BANK1: variants seen among roughly 807,000 people sequenced by gnomAD.
BANK1 encodes B cell scaffold protein with ankyrin repeats 1.
Under a neutral mutation model 94.5 loss-of-function variants are expected in BANK1, and 95 were observed. The observed-to-expected ratio is 1.00, with a 90% confidence interval of 0.85 to 1.19. The LOEUF (loss-of-function observed/expected upper bound fraction) is 1.19. BANK1 is among the 50% of genes most tolerant of loss of function. BANK1 has a pLI of 0.00. For synonymous variants in BANK1, 334 were observed against 308.4 expected, an observed-to-expected ratio of 1.08 and a Z score of -0.87; for missense variants, 987 against 932.2, an observed-to-expected ratio of 1.06 and a Z score of -0.77.
chr4:102,031,686 A>G (rs746904661), intron 10 of BANK1, among the ~76,000 whole-genome samples: 1 of 152,180 alleles, frequency 6.6e-6, no homozygotes, highest in Non-Finnish European at 1.5e-5. Flanking sequence ...TCCTAATTCT[A>G]TAAGAAAGAT....
chr4:101,857,375 A>G (rs746540676), intron 3 of BANK1, among the ~76,000 whole-genome samples: 6 of 152,162 alleles, frequency 3.9e-5, no homozygotes, highest in Admixed American at 1.3e-4. Flanking sequence ...ATAGTTGCGT[A>G]ATTTTCATTC....
At position 102,025,426 on chromosome 4, in the gene BANK1, T is replaced by A. The variant is rs764312059; in HGVS notation, c.1511T>A (p.Leu504His). ...ADPENNSQEPLMSSRPPLPPP... is the reference protein window; with the variant it reads ...ADPENNSQEPHMSSRPPLPPP... Reference sequence around the variant, plus strand: ...CCAGAAAATAATTCACAAGAGCCACTCATGAGCAGCAGACCTCCTCTCCCC... The same window carrying A: ...CCAGAAAATAATTCACAAGAGCCACACATGAGCAGCAGACCTCCTCTCCCC... Residue 504 changes from leucine (L) to histidine (H), a missense_variant, in exon 9 of 17, where the codon CTC (leucine) becomes CAC (histidine). Physicochemically the swap from Leu to His is moderately conservative, Grantham distance 99 (BLOSUM62 -3). Coordinates refer to ENST00000322953, the MANE Select transcript of BANK1 (RefSeq NM_017935.5). The A allele has an allele frequency of 3.0e-5, 49 of 1,613,868 alleles. 1 individual carries two copies. The South Asian group carries it at 5.2e-4, about 17-fold the overall frequency.
At chr4:101,927,846 G>T (rs1723215261) in intron 7 of BANK1, among the ~76,000 whole-genome samples, 2 of 151,654 alleles carry the variant, frequency 1.3e-5, no homozygotes, top group Admixed American at 1.3e-4. Flanking sequence ...AAGTTTGGAA[G>T]TAGAGGTTAT....
Position 101,979,507 on chromosome 4 carries a change from T to G in BANK1, c.1207-42007T>G, listed in dbSNP as rs74742675. On this transcript the variant is annotated intron_variant, in intron 7 of 16. Coordinates refer to ENST00000322953, the MANE Select transcript of BANK1 (RefSeq NM_017935.5). ...TCAATATTCAACATTTTTTTGAGAATAAGTTGTTTTCAGAAAGACATATAA... is the reference window on the plus strand; with the variant it reads ...TCAATATTCAACATTTTTTTGAGAAGAAGTTGTTTTCAGAAAGACATATAA... Among the ~76,000 whole-genome samples, 709 of 151,996 alleles carry G rather than the reference T, an allele frequency of 4.7e-3. 12 individuals are homozygous for G. The East Asian group carries it at 0.057, about 12-fold the overall frequency.
At chr4:101,938,208 G>A (rs1330656756) in intron 7 of BANK1, among the ~76,000 whole-genome samples, 1 of 151,516 alleles carries the variant, frequency 6.6e-6, no homozygotes, top group Non-Finnish European at 1.5e-5. Flanking sequence ...TGCACGTTCT[G>A]CACACGTATC....
chr4:101,979,671 A>C (rs1338743232), intron 7 of BANK1, among the ~76,000 whole-genome samples: 2 of 151,874 alleles, frequency 1.3e-5, no homozygotes, highest in African/African-American at 4.8e-5. Flanking sequence ...AGGACTGCTA[A>C]CATACATTTA....
At chr4:101,892,988 C>T (rs1721931835) in intron 5 of BANK1, among the ~76,000 whole-genome samples, 1 of 151,758 alleles carries the variant, frequency 6.6e-6, no homozygotes. Context: ...GTGTTATATA[C>T]CACTTATTTA....
intron 5 of BANK1, among the ~76,000 whole-genome samples, chr4:101,888,990 TTTATA>T (rs539897605): frequency 5.8e-4 from 88 of 152,344 alleles, no homozygotes; most frequent in Non-Finnish European, 5.6e-4. Flanking sequence ...AAGGGGTGCT[TTTATA>T]TAAGTATCTA....
At chr4:101,931,711 G>A (rs1297345444) in intron 7 of BANK1, among the ~76,000 whole-genome samples, 1 of 151,446 alleles carries the variant, frequency 6.6e-6, no homozygotes, top group Non-Finnish European at 1.5e-5. Context: ...TCTTCCCTCA[G>A]TCTTTCAATG....
chr4:101,979,795 C>T (rs888193695), intron 7 of BANK1, among the ~76,000 whole-genome samples: 2 of 151,804 alleles, frequency 1.3e-5, no homozygotes, highest in African/African-American at 4.8e-5. Context: ...CACACTTTTA[C>T]AAATTAATGA....
intron 2 of BANK1, among the ~76,000 whole-genome samples, chr4:101,845,054 A>T (rs1727193890): frequency 6.6e-6 from 1 of 152,160 alleles, no homozygotes; most frequent in African/African-American, 2.4e-5. Flanking sequence ...AGTGAAAGGA[A>T]ATTAAAATAT....
intron 1 of BANK1, among the ~76,000 whole-genome samples, chr4:101,795,805 A>G (rs1406884418): frequency 6.6e-6 from 1 of 152,114 alleles, no homozygotes; most frequent in African/African-American, 2.4e-5. Context: ...ATCACTTCCT[A>G]TAGATCCACA....
intron 13 of BANK1, among the ~76,000 whole-genome samples, chr4:102,070,040 C>G (rs943609265): frequency 6.6e-6 from 1 of 152,058 alleles, no homozygotes; most frequent in African/African-American, 2.4e-5. Context: ...CTGCAGCAAC[C>G]CCAATTCTTG....
chr4:101,900,552 A>G (rs577222514), intron 6 of BANK1, among the ~76,000 whole-genome samples: 26 of 152,298 alleles, frequency 1.7e-4, no homozygotes, highest in African/African-American at 6.3e-4. Context: ...GTGGAGGTGA[A>G]GAGATTTGCT....
At chr4:101,795,905 C>T (rs1284198495) in intron 1 of BANK1, among the ~76,000 whole-genome samples, 1 of 152,190 alleles carries the variant, frequency 6.6e-6, no homozygotes, top group Non-Finnish European at 1.5e-5. Flanking sequence ...GCAAGCCAGC[C>T]AACTGGTTGC....
intron 5 of BANK1, among the ~76,000 whole-genome samples, chr4:101,891,249 C>T (rs1285631758): frequency 6.6e-6 from 1 of 151,972 alleles, no homozygotes; most frequent in South Asian, 2.1e-4. Flanking sequence ...TCTCTTCAGT[C>T]CTGAAGGGTA....
At chr4:101,919,882 G>A (rs190919714) in intron 7 of BANK1, among the ~76,000 whole-genome samples, 15 of 152,010 alleles carry the variant, frequency 9.9e-5, no homozygotes, top group Admixed American at 1.3e-4. Context: ...TGCAAGCTAC[G>A]AAGGCCTTTT....
intron 1 of BANK1, among the ~76,000 whole-genome samples, chr4:101,797,567 ATTAC>A (rs939417585): frequency 6.1e-4 from 93 of 152,314 alleles, no homozygotes; most frequent in African/African-American, 2.1e-3. Flanking sequence ...ATTAAGAACT[ATTAC>A]TTACATACCT....
intron 7 of BANK1, among the ~76,000 whole-genome samples, chr4:101,960,886 G>A (rs1724544421): frequency 6.6e-6 from 1 of 152,136 alleles, no homozygotes; most frequent in Non-Finnish European, 1.5e-5. Flanking sequence ...TTCTAGGTAA[G>A]TCACCTCTCA....
Sources: allele counts gnomAD v4.1 joint callset (sites outside exome capture counted in the v4.1 genomes callset), GRCh38; gene constraint gnomAD v4.1.1; transcripts MANE v1.5; gene names NCBI Gene and HGNC (gene_info 2026-07-23, HGNC 2026-07-21).